The following DLC1 variants were observed in gnomAD, a reference collection of about 807,000 sequenced individuals.
The protein encoded by DLC1 is DLC1 Rho GTPase activating protein, also known as rho GTPase-activating protein 7.
In DLC1, 54 loss-of-function variants were observed where a neutral mutation model predicts 140.3. The ratio of observed to expected loss-of-function variants is 0.38; its 90% CI spans 0.31 to 0.48. The LOEUF (loss-of-function observed/expected upper bound fraction) is 0.48. Ranked by LOEUF, DLC1 falls within the 20% of genes least tolerant of loss-of-function variation. DLC1 has a pLI of 0.96. For missense variants in DLC1, 2,536 were observed against 1,907.0 expected (o/e 1.33, Z -6.14); for synonymous variants, 986 against 728.1 (o/e 1.35, Z -5.70).
chr8:13,489,934 A>G (rs1801160756), intron 2 of DLC1, among the ~76,000 whole-genome samples: 1 of 152,194 alleles, frequency 6.6e-6, no homozygotes. Context: ...TAGGTGCTGT[A>G]CTATGTGGAT....
intron 7 of DLC1, 23 bp downstream of exon 7, chr8:13,110,719 A>G (rs2277128): frequency 1.2e-5 from 19 of 1,601,702 alleles, no homozygotes; most frequent in Non-Finnish European, 1.5e-5. Flanking sequence ...AAAAAGGAAA[A>G]CACTCAAAAC....
chr8:13,600,380 T>A (rs1805835280), intron 1 of DLC1, among the ~76,000 whole-genome samples: 1 of 151,940 alleles, frequency 6.6e-6, no homozygotes, highest in Admixed American at 6.6e-5. Context: ...GTAAGGCTGT[T>A]ATTTTAGTTA....
chr8:13,272,277 G>A (rs756453033), intron 5 of DLC1, among the ~76,000 whole-genome samples: 10 of 151,988 alleles, frequency 6.6e-5, no homozygotes, highest in East Asian at 1.9e-4. Flanking sequence ...GTGAAACCCT[G>A]CCTCTACTAA....
chr8:13,389,382 A>G (rs1226136836), intron 4 of DLC1, among the ~76,000 whole-genome samples: 1 of 152,106 alleles, frequency 6.6e-6, no homozygotes, highest in African/African-American at 2.4e-5. Context: ...AGCACTTTAC[A>G]TAACATGATA....
chr8:13,428,377 G>C (rs1400503272), intron 2 of DLC1, among the ~76,000 whole-genome samples: 1 of 152,126 alleles, frequency 6.6e-6, no homozygotes, highest in Non-Finnish European at 1.5e-5. Flanking sequence ...AGGAATGTTT[G>C]AATAATCAAA....
chr8:13,265,960 G>A (rs1356634795), intron 5 of DLC1, among the ~76,000 whole-genome samples: 1 of 152,160 alleles, frequency 6.6e-6, no homozygotes, highest in Non-Finnish European at 1.5e-5. Flanking sequence ...TTATTCTGCT[G>A]TTTACCCTCT....
intron 4 of DLC1, among the ~76,000 whole-genome samples, chr8:13,327,393 A>G (rs1266691350): frequency 4.0e-5 from 6 of 151,524 alleles, no homozygotes; most frequent in African/African-American, 1.2e-4. Context: ...AAATAATGCA[A>G]TTACATTTTG....
At chr8:13,562,911 C>CAA in intron 1 of DLC1, among the ~76,000 whole-genome samples, 1 of 141,392 alleles carries the variant, frequency 7.1e-6, no homozygotes, top group Non-Finnish European at 1.6e-5. Context: ...AAGAAAAAAA[C>CAA]AAAAAAAAAA....
chr8:13,223,569 A>C (rs986556320), intron 5 of DLC1, among the ~76,000 whole-genome samples: 1 of 152,216 alleles, frequency 6.6e-6, no homozygotes, highest in Admixed American at 6.5e-5. Flanking sequence ...AGTTTAACTT[A>C]ATGTTCCAAA....
At position 13,354,551 on chromosome 8, in the gene DLC1, T is replaced by G. The variant is rs1471596114; in HGVS notation, c.1314+39002A>C. 2.0e-5 allele frequency among the ~76,000 whole-genome samples: 3 copies of G among 152,190 alleles called. No individual in the cohort carries two copies. The East Asian group carries it at 5.8e-4, about 29-fold the overall frequency. ...AAAAAAATAACTGAACTTGTTTGGT[T>G]AAAATGCATTCACGCATCAAGCTCA... On this transcript the variant is annotated intron_variant, in intron 4 of 17. Coordinates refer to ENST00000276297, the MANE Select transcript of DLC1 (RefSeq NM_182643.3).
chr8:13,582,710 C>T (rs965526130), intron 1 of DLC1, among the ~76,000 whole-genome samples: 5 of 151,068 alleles, frequency 3.3e-5, no homozygotes, highest in African/African-American at 9.7e-5. Context: ...TTTTTCCATT[C>T]ATTCTGTCCC....
At chr8:13,199,579 ATT>A (rs1827264018) in intron 5 of DLC1, among the ~76,000 whole-genome samples, 1 of 152,094 alleles carries the variant, frequency 6.6e-6, no homozygotes, top group Non-Finnish European at 1.5e-5. Flanking sequence ...TGTCTATTGT[ATT>A]TTTAATATAC....
chr8:13,318,833 T>G (rs534039355), intron 4 of DLC1, among the ~76,000 whole-genome samples: 5 of 152,212 alleles, frequency 3.3e-5, no homozygotes, highest in African/African-American at 1.2e-4. Context: ...CTGAATACCT[T>G]TGCTAGCTAA....
intron 5 of DLC1, among the ~76,000 whole-genome samples, chr8:13,175,525 C>T (rs190289855): frequency 7.2e-5 from 11 of 152,148 alleles, no homozygotes; most frequent in South Asian, 2.1e-4. Context: ...GCTCTCATTT[C>T]TGTCTTGTTT....
chr8:13,475,879 A>T (rs1356153712), intron 2 of DLC1, among the ~76,000 whole-genome samples: 1 of 152,186 alleles, frequency 6.6e-6, no homozygotes, highest in African/African-American at 2.4e-5. Context: ...TTAAGACGAG[A>T]ATGAACCTAA....
At chr8:13,172,476 C>A (rs1470828263) in intron 5 of DLC1, among the ~76,000 whole-genome samples, 1 of 152,210 alleles carries the variant, frequency 6.6e-6, no homozygotes, top group African/African-American at 2.4e-5. Context: ...TTAAATGAAT[C>A]CATATACATA....
intron 5 of DLC1, among the ~76,000 whole-genome samples, chr8:13,173,474 C>T (rs560735063): frequency 3.3e-4 from 48 of 147,606 alleles, no homozygotes; most frequent in South Asian, 1.1e-3. Flanking sequence ...CGTGTTGAAG[C>T]GATTCTCCTG....
intron 4 of DLC1, among the ~76,000 whole-genome samples, chr8:13,378,563 A>G (rs1463480216): frequency 6.6e-6 from 1 of 152,168 alleles, no homozygotes; most frequent in Admixed American, 6.5e-5. Flanking sequence ...GATACTATAT[A>G]CATATTTATT....
chr8:13,392,077 A>G (rs1836787907), intron 4 of DLC1, among the ~76,000 whole-genome samples: 1 of 149,518 alleles, frequency 6.7e-6, no homozygotes, highest in Admixed American at 6.6e-5. Flanking sequence ...AATGAAGAGC[A>G]CCATTCCATT....
Sources: allele counts gnomAD v4.1 joint callset (sites outside exome capture counted in the v4.1 genomes callset), GRCh38; gene constraint gnomAD v4.1.1; transcripts MANE v1.5; gene names NCBI Gene and HGNC (gene_info 2026-07-23, HGNC 2026-07-21).